The following CPT1A variants were observed in gnomAD, a reference collection of about 807,000 sequenced individuals.
CPT1A encodes the protein carnitine O-palmitoyltransferase 1, liver isoform.
Under a neutral mutation model 100.8 loss-of-function variants are expected in CPT1A, and 64 were observed. The ratio of observed to expected loss-of-function variants is 0.63; its 90% CI spans 0.52 to 0.78. The LOEUF (loss-of-function observed/expected upper bound fraction) is 0.78, where lower values mean the gene tolerates loss of function less well. Among genes scored for constraint, CPT1A ranks in the 30% least tolerant of loss-of-function variants. The probability of loss-of-function intolerance (pLI) is 0.00; values close to 1 mark genes in which losing one functional copy is unlikely to be tolerated. For synonymous variants in CPT1A, 363 were observed against 396.0 expected (o/e 0.92, Z 0.99); for missense variants, 802 against 1,034.1 (o/e 0.78, Z 3.08).
intron 1 of CPT1A, among the ~76,000 whole-genome samples, chr11:68,826,265 G>A (rs987801324): frequency 1.8e-4 from 27 of 152,142 alleles, no homozygotes; most frequent in African/African-American, 6.3e-4. Flanking sequence ...GGCCAACATG[G>A]TGAAACCCTG....
intron 1 of CPT1A, among the ~76,000 whole-genome samples, chr11:68,833,899 C>T (rs562005137): frequency 1.3e-5 from 2 of 151,932 alleles, no homozygotes; most frequent in South Asian, 2.1e-4. Context: ...GTTCTGTTGC[C>T]GAGCGTGACC....
At chr11:68,828,877 T>C (rs1174432082) in intron 1 of CPT1A, among the ~76,000 whole-genome samples, 1 of 152,184 alleles carries the variant, frequency 6.6e-6, no homozygotes, top group Non-Finnish European at 1.5e-5. Context: ...GCACGCAAGC[T>C]GGCCCCGGTC....
At chr11:68,825,312 C>G (rs938357136) in intron 1 of CPT1A, among the ~76,000 whole-genome samples, 1 of 152,150 alleles carries the variant, frequency 6.6e-6, no homozygotes, top group Non-Finnish European at 1.5e-5. Flanking sequence ...TCAAAAATCT[C>G]ATGTTTGGAG....
chr11:68,754,898 G>T lies in CPT1A; in HGVS notation c.*2746C>A, dbSNP rs750988576. ...GAAACAAATCTTGTAGTAGACTGGG[G>T]TTAATGTTTTATTAATGATAACCTA... On this transcript the variant is annotated 3_prime_UTR_variant, in exon 19 of 19. Transcript: ENST00000265641. 3.9e-6 allele frequency: 3 copies of T among 776,926 alleles called. No homozygotes were observed. Among genetic ancestry groups the T allele is most frequent in the Non-Finnish European group, 7.2e-6 (3 of 415,430 alleles). The allele number at this position is 776,926 out of a possible 1,614,324, so 48.1% of individuals were successfully genotyped here.
chr11:68,794,798 G>T lies in CPT1A; in HGVS notation c.879+6C>A. 1 of 1,608,286 alleles carries T rather than the reference G, an allele frequency of 6.2e-7. No homozygotes were observed. Among genetic ancestry groups the T allele is most frequent in the South Asian group, 1.1e-5 (1 of 90,942 alleles). ...ATAATTTTTTTAAAGCAATTTGTTT[G>T]CCTACTGGTTTGATTTCCTCCCGGT... On this transcript the variant is annotated splice_donor_region_variant and intron_variant, in intron 8 of 18. Transcript: ENST00000265641.
In CPT1A at chr11:68,791,579, C is replaced by A. The variant is rs111907944; in HGVS notation, c.967+1736G>T. ...GAGATGAAGTTTCACTCTTGTTGCC[C>A]GGGCTGGAGTGCAGTGGCACAATCT... On this transcript the variant is annotated intron_variant, in intron 9 of 18. Coordinates refer to ENST00000265641, the MANE Select transcript of CPT1A (RefSeq NM_001876.4). 5.9e-5 allele frequency among the ~76,000 whole-genome samples: 9 copies of A among 152,210 alleles called. No individual in the cohort carries two copies. In the East Asian group the frequency reaches 1.7e-3, roughly 29 times the overall value.
intron 4 of CPT1A, among the ~76,000 whole-genome samples, chr11:68,806,886 C>T (rs1856061665): frequency 6.6e-6 from 1 of 152,028 alleles, no homozygotes; most frequent in Non-Finnish European, 1.5e-5. Context: ...GCTGAGATCA[C>T]ACCACTGCAC....
chr11:68,806,018 AT>A (rs539379303), intron 4 of CPT1A, among the ~76,000 whole-genome samples: 6,716 of 139,116 alleles, frequency 0.048, 150 homozygotes, highest in Non-Finnish European at 0.065. Context: ...AAGCCCATAA[AT>A]TTTTTTTTTT....
In CPT1A at chr11:68,814,902, G is replaced by A. The variant is rs140504256; in HGVS notation, c.141+432C>T. On this transcript the variant is annotated intron_variant, in intron 2 of 18. Transcript: ENST00000265641. The stretch of plus-strand genomic sequence containing the variant: ...GGGTTTTGTCGTGTCACCCAGGCTG[G>A]TCTTAAACTCCTGAGCTCAAGCAAT... Among the ~76,000 whole-genome samples, 169 of 151,642 alleles carry A rather than the reference G, an allele frequency of 1.1e-3. 2 individuals carry two copies. The highest frequency in any genetic ancestry group is 7.2e-3 in the East Asian group (37 of 5,106).
chr11:68,782,221 C>T lies in CPT1A; in HGVS notation c.1164-262G>A, dbSNP rs184218682. On this transcript the variant is annotated intron_variant, in intron 10 of 18. Transcript: ENST00000265641. ...GAACGGCCAGATTGCAGGCTGGCCC[C>T]GTGGGCAAAGCCGCCAGGAAGCAGC... Among the ~76,000 whole-genome samples the T allele has an allele frequency of 4.5e-3, 680 of 152,240 alleles. 5 individuals are homozygous for T. The highest frequency in any genetic ancestry group is 0.015 in the African/African-American group (637 of 41,546).
At chr11:68,780,351 C>T (rs1301840187) in intron 12 of CPT1A, among the ~76,000 whole-genome samples, 1 of 152,174 alleles carries the variant, frequency 6.6e-6, no homozygotes, top group Non-Finnish European at 1.5e-5. Flanking sequence ...GGCACGATCT[C>T]GGCTCACTGC....
rs1594338112 is a variant in CPT1A at position 68,785,522 on chromosome 11, C to T, written c.968-512G>A. On this transcript the variant is annotated intron_variant, in intron 9 of 18. Coordinates refer to ENST00000265641, the MANE Select transcript of CPT1A (RefSeq NM_001876.4). ...GTTGCAGTGAGCCGAGATCACCCCACTGCACTCCAGCCTGGGTAACAGAGT... is the reference window on the plus strand; with the variant it reads ...GTTGCAGTGAGCCGAGATCACCCCATTGCACTCCAGCCTGGGTAACAGAGT... 2.0e-5 allele frequency among the ~76,000 whole-genome samples: 3 copies of T among 146,822 alleles called. 1 individual carries two copies. In the Admixed American group the frequency reaches 2.1e-4, roughly 10 times the overall value.
intron 15 of CPT1A, among the ~76,000 whole-genome samples, chr11:68,762,265 C>T (rs1031693886): frequency 2.6e-5 from 4 of 152,208 alleles, no homozygotes; most frequent in South Asian, 2.1e-4. Context: ...TGGAAGGTCC[C>T]GTGCGACAGT....
intron 1 of CPT1A, among the ~76,000 whole-genome samples, chr11:68,828,402 G>GCC (rs1856790300): frequency 3.2e-5 from 2 of 63,320 alleles, no homozygotes; most frequent in Non-Finnish European, 1.3e-4. Flanking sequence ...CCTGGGTCAG[G>GCC]GCCCCCCACC....
chr11:68,800,216 GC>G (rs1045564979), intron 5 of CPT1A, among the ~76,000 whole-genome samples: 28 of 152,260 alleles, frequency 1.8e-4, no homozygotes, highest in Admixed American at 1.5e-3. Context: ...AGGGTTTCCA[GC>G]CCCCACCCCG....
Position 68,812,558 on chromosome 11 carries a change from C to A in CPT1A, c.160G>T (p.Val54Leu), listed in dbSNP as rs147389938. 610 of 1,614,158 alleles carry A rather than the reference C, an allele frequency of 3.8e-4. 1 individual carries two copies. The highest frequency in any genetic ancestry group is 6.7e-4 in the Admixed American group (40 of 60,006). Residue 54 changes from valine to leucine, a missense_variant, in exon 3 of 19, where the codon GTG (valine) becomes TTG (leucine). Coordinates refer to ENST00000265641, the MANE Select transcript of CPT1A (RefSeq NM_001876.4). ...CAACTGGAGGGGCTTGCCGGGTACA[C>A]GCCAGTGATGATGCCGTTCTAAAGA... ...IRFKNGIITG[V>L]YPASPSSWLI...
At position 68,762,514 on chromosome 11, in the gene CPT1A, T is replaced by C. The variant is rs1177389856; in HGVS notation, c.1875+113A>G. On this transcript the variant is annotated intron_variant, in intron 15 of 18. Transcript: ENST00000265641. ...GGAAAGAAGCTGAATTGAGCACCCC[T>C]AAAGAAGAAGGTACAGGAATGATGA... The C allele has an allele frequency of 3.6e-6, 5 of 1,387,922 alleles. No individual in the cohort carries two copies. In the East Asian group the frequency reaches 6.9e-5, roughly 19 times the overall value. 86.0% of individuals were successfully genotyped at this position (1,387,922 alleles called of 1,614,324 possible).
intron 1 of CPT1A, among the ~76,000 whole-genome samples, chr11:68,835,740 C>T (rs548651863): frequency 6.6e-6 from 1 of 152,332 alleles, no homozygotes; most frequent in South Asian, 2.1e-4. Context: ...AACCCAGGCC[C>T]TCTGGCTGCC....
At chr11:68,802,348 A>G (rs1451116675) in intron 5 of CPT1A, among the ~76,000 whole-genome samples, 3 of 151,912 alleles carry the variant, frequency 2.0e-5, no homozygotes, top group Admixed American at 2.0e-4. Flanking sequence ...CAATTAAAGA[A>G]AAAAAAAGAC....
Sources: gnomAD v4.1 joint callset for allele counts (sites outside exome capture counted in the v4.1 genomes callset) on GRCh38, gnomAD v4.1.1 for gene constraint, MANE v1.5 for transcripts, NCBI Gene and HGNC (gene_info 2026-07-23, HGNC 2026-07-21) for gene names.